CEP112: variants seen among roughly 807,000 people sequenced by gnomAD.
The protein encoded by CEP112 is centrosomal protein 112, also known as centrosomal protein of 112 kDa.
CEP112 carries 127 observed loss-of-function variants against 153.0 expected under a neutral mutation model. The observed-to-expected ratio is 0.83, with a 90% CI of 0.72 to 0.96. The LOEUF (loss-of-function observed/expected upper bound fraction) is 0.96, where lower values mean the gene tolerates loss of function less well. Ranked by LOEUF, CEP112 falls within the 40% of genes least tolerant of loss-of-function variation. The probability of loss-of-function intolerance (pLI) is 0.00; values close to 1 mark genes in which losing one functional copy is unlikely to be tolerated. For missense variants in CEP112, 1,089 were observed against 1,101.2 expected (o/e 0.99, Z 0.16); for synonymous variants, 358 against 374.4 (o/e 0.96, Z 0.51).
intron 23 of CEP112, among the ~76,000 whole-genome samples, chr17:65,732,251 A>G (rs770007174): frequency 1.3e-5 from 2 of 152,242 alleles, no homozygotes; most frequent in Non-Finnish European, 2.9e-5. Context: ...TTGGGTGACC[A>G]GGTGCATGGT....
intron 12 of CEP112, among the ~76,000 whole-genome samples, chr17:66,039,799 T>C (rs963419954): frequency 1.3e-5 from 2 of 152,166 alleles, no homozygotes; most frequent in African/African-American, 4.8e-5. Flanking sequence ...ATAAATTTTG[T>C]CCTTTTCAAA....
intron 23 of CEP112, among the ~76,000 whole-genome samples, chr17:65,735,655 G>A (rs2050759948): frequency 1.3e-5 from 2 of 152,166 alleles, no homozygotes; most frequent in South Asian, 2.1e-4. Flanking sequence ...TTAACCATAA[G>A]TACATGGTAG....
Position 66,175,189 on chromosome 17 carries a change from C to T in CEP112, c.325G>A (p.Ala109Thr), listed in dbSNP as rs1451765789. ...MSIYFDEPNP[A>T]RAKGSSPEGL... ...TCTGGGCTTGAACCTTTTGCTCGTG[C>T]TGGATTTGGTTCATCAAAATAGATG... is the stretch of plus-strand genomic sequence containing the variant. Residue 109 changes from alanine (A) to threonine (T), a missense_variant, in exon 4 of 27, where the codon GCA becomes ACA. Physicochemically the swap from Ala to Thr is moderately conservative, Grantham distance 58. Coordinates refer to ENST00000535342, the MANE Select transcript of CEP112 (RefSeq NM_001199165.4). 4 of 1,597,848 alleles carry T rather than the reference C, an allele frequency of 2.5e-6. No homozygotes were observed. The highest frequency in any genetic ancestry group is 3.4e-6 in the Non-Finnish European group (4 of 1,173,408).
chr17:65,771,499 G>A (rs1592658), intron 21 of CEP112, among the ~76,000 whole-genome samples: 2,460 of 152,248 alleles, frequency 0.016, 34 homozygotes, highest in African/African-American at 0.029. Flanking sequence ...GACCGTATTA[G>A]TGAGGATATA....
At chr17:66,010,012 T>A (rs2064446600) in intron 16 of CEP112, among the ~76,000 whole-genome samples, 1 of 152,220 alleles carries the variant, frequency 6.6e-6, no homozygotes, top group Non-Finnish European at 1.5e-5. Flanking sequence ...TCATTAGTGG[T>A]TTGATAGGAA....
At chr17:65,664,192 T>G (rs2046560659) in intron 24 of CEP112, among the ~76,000 whole-genome samples, 1 of 152,188 alleles carries the variant, frequency 6.6e-6, no homozygotes, top group South Asian at 2.1e-4. Flanking sequence ...TGAGCTGTGC[T>G]CCCAAAGCTG....
chr17:65,947,111 C>T (rs4442857), intron 18 of CEP112, among the ~76,000 whole-genome samples: 72,385 of 151,484 alleles, frequency 0.48, 18,229 homozygotes, highest in East Asian at 0.89. Flanking sequence ...TTTTAACAAG[C>T]AAACATTTTA....
At chr17:66,089,079 G>A (rs1043634570) in intron 8 of CEP112, among the ~76,000 whole-genome samples, 1 of 151,936 alleles carries the variant, frequency 6.6e-6, no homozygotes, top group Non-Finnish European at 1.5e-5. Flanking sequence ...TCAAACATGA[G>A]GACCAAGATA....
chr17:65,896,802 GGGCTATCTTAA>G (rs2059676049), intron 20 of CEP112, among the ~76,000 whole-genome samples: 1 of 151,942 alleles, frequency 6.6e-6, no homozygotes, highest in Non-Finnish European at 1.5e-5. Context: ...GAAAGTTCCT[GGGCTATCTTAA>G]ATACGGCACT....
chr17:66,116,583 T>C (rs2069305407), intron 6 of CEP112, among the ~76,000 whole-genome samples: 2 of 152,206 alleles, frequency 1.3e-5, no homozygotes, highest in African/African-American at 4.8e-5. Context: ...AGGAGTGTGT[T>C]TGTACTTCAT....
At chr17:65,821,917 T>C (rs1389124638) in intron 21 of CEP112, among the ~76,000 whole-genome samples, 3 of 151,908 alleles carry the variant, frequency 2.0e-5, no homozygotes, top group Admixed American at 6.6e-5. Flanking sequence ...TCACAAACAA[T>C]GCTCTAAAAA....
chr17:65,690,462 A>C (rs931835424), intron 23 of CEP112, among the ~76,000 whole-genome samples: 3 of 150,500 alleles, frequency 2.0e-5, no homozygotes, highest in Non-Finnish European at 4.4e-5. Context: ...TTGCATTCAC[A>C]TGCTTAGATT....
chr17:66,030,445 T>A (rs1352774405), intron 12 of CEP112, among the ~76,000 whole-genome samples: 4 of 152,202 alleles, frequency 2.6e-5, no homozygotes. Flanking sequence ...AAGAGTAATG[T>A]AATAGTATTT....
chr17:66,094,190 G>T (rs2068247864), intron 8 of CEP112, among the ~76,000 whole-genome samples: 1 of 152,076 alleles, frequency 6.6e-6, no homozygotes, highest in Non-Finnish European at 1.5e-5. Flanking sequence ...CTCCTGAGTA[G>T]CTGGGATTAC....
chr17:65,981,554 C>T (rs886687199), intron 17 of CEP112, among the ~76,000 whole-genome samples: 2 of 146,242 alleles, frequency 1.4e-5, no homozygotes, highest in African/African-American at 5.2e-5. Flanking sequence ...CTGATCTTTT[C>T]TCAGTCGTGG....
intron 21 of CEP112, among the ~76,000 whole-genome samples, chr17:65,850,539 T>G (rs371316923): frequency 6.6e-6 from 1 of 152,210 alleles, no homozygotes; most frequent in African/African-American, 2.4e-5. Flanking sequence ...TTCCTCTATA[T>G]TTTTGCAACA....
chr17:65,904,294 C>T (rs1185275632), intron 19 of CEP112, among the ~76,000 whole-genome samples: 7 of 152,276 alleles, frequency 4.6e-5, no homozygotes, highest in African/African-American at 1.7e-4. Flanking sequence ...CACAAGCATT[C>T]CTGTACACCA....
At chr17:66,179,662 A>G (rs566778561) in intron 2 of CEP112, among the ~76,000 whole-genome samples, 215 of 152,144 alleles carry the variant, frequency 1.4e-3, no homozygotes, top group Non-Finnish European at 2.6e-3. Context: ...TTCCTTTCCA[A>G]TTTCGATGCC....
intron 17 of CEP112, among the ~76,000 whole-genome samples, chr17:65,976,809 G>T (rs576130879): frequency 9.3e-4 from 129 of 139,120 alleles, no homozygotes; most frequent in Non-Finnish European, 1.5e-3. Context: ...TGCAATCTCA[G>T]CTCACTGCAA....
Sources: allele counts gnomAD v4.1 joint callset (sites outside exome capture counted in the v4.1 genomes callset), GRCh38; gene constraint gnomAD v4.1.1; transcripts MANE v1.5; gene names NCBI Gene and HGNC (gene_info 2026-07-23, HGNC 2026-07-21).